The following RBM19 variants were observed in gnomAD, a reference collection of about 807,000 sequenced individuals.
RBM19 encodes the protein RNA binding motif protein 19, also known as probable RNA-binding protein 19.
Under a neutral mutation model 116.8 loss-of-function variants are expected in RBM19, and 94 were observed. The ratio of observed to expected loss-of-function variants is 0.80; its 90% confidence interval spans 0.68 to 0.95. The LOEUF is 0.95. RBM19 is among the 40% of genes least tolerant of loss of function. RBM19 has a pLI of 0.00. For missense variants in RBM19, 1,161 were observed against 1,220.7 expected (o/e 0.95, Z 0.73); for synonymous variants, 475 against 494.1 (o/e 0.96, Z 0.51).
intron 21 of RBM19, among the ~76,000 whole-genome samples, chr12:113,888,737 G>C (rs1347027926): frequency 2.0e-5 from 3 of 152,064 alleles, no homozygotes; most frequent in African/African-American, 7.2e-5. Flanking sequence ...CTGTAGGCAG[G>C]GACACTGCCT....
intron 21 of RBM19, among the ~76,000 whole-genome samples, chr12:113,871,117 T>C (rs1879173871): frequency 6.6e-6 from 1 of 152,190 alleles, no homozygotes; most frequent in South Asian, 2.1e-4. Context: ...ATGTTAAGGC[T>C]ATGTGACTAC....
chr12:113,817,983 C>A (rs1874161180), downstream of RBM19: 1 of 151,834 alleles, frequency 6.6e-6, no homozygotes, highest in African/African-American at 2.4e-5. Flanking sequence ...AATCCCCACA[C>A]TTTGGGAGGC....
chr12:113,863,652 T>G (rs7316852), intron 21 of RBM19, among the ~76,000 whole-genome samples: 4,663 of 152,170 alleles, frequency 0.031, 246 homozygotes, highest in African/African-American at 0.11. Flanking sequence ...GTGGGGGAGT[T>G]TGCTGGCATA....
intron 1 of RBM19, among the ~76,000 whole-genome samples, chr12:113,965,673 T>C (rs1479027674): frequency 1.3e-5 from 2 of 152,092 alleles, no homozygotes; most frequent in Non-Finnish European, 2.9e-5. Flanking sequence ...AACAAAAAAG[T>C]ATGGCTGGGT....
chr12:113,915,033 A>G lies in RBM19; in HGVS notation c.2494T>C (p.Ser832Pro). ...KKQVPRKQTT[S>P]KILVRNIPFQ... Reference sequence around the variant, plus strand: ...GGGATGTTCCGCACCAGGATCTTGGAGGTGGTCTGCTTTCTGGGAACTTGT... The same window carrying G: ...GGGATGTTCCGCACCAGGATCTTGGGGGTGGTCTGCTTTCTGGGAACTTGT... The change falls in exon 21 of 24, where the codon TCC becomes CCC. Residue 832 changes from serine to proline, a missense_variant. Physicochemically the swap from Ser to Pro is moderately conservative, Grantham distance 74 (BLOSUM62 -1). Coordinates refer to ENST00000261741, the MANE Select transcript of RBM19 (RefSeq NM_016196.4). The G allele has an allele frequency of 6.2e-7, 1 of 1,614,066 alleles. No homozygotes were observed. Among genetic ancestry groups the G allele is most frequent in the Non-Finnish European group, 8.5e-7 (1 of 1,180,026 alleles).
At chr12:113,946,974 G>A (rs1442826427) in intron 11 of RBM19, among the ~76,000 whole-genome samples, 1 of 152,210 alleles carries the variant, frequency 6.6e-6, no homozygotes, top group Non-Finnish European at 1.5e-5. Context: ...TTATTCCACT[G>A]TGGCCATTTT....
chr12:113,936,943 C>G, intron 16 of RBM19, 64 bp downstream of exon 16: 1 of 1,581,776 alleles, frequency 6.3e-7, no homozygotes, highest in Non-Finnish European at 8.6e-7. Flanking sequence ...TCACGCTGCC[C>G]CCAACCCTCC....
chr12:113,849,697 A>T (rs1877297984), intron 22 of RBM19, among the ~76,000 whole-genome samples: 1 of 152,208 alleles, frequency 6.6e-6, no homozygotes, highest in South Asian at 2.1e-4. Flanking sequence ...AGAGGCCTGA[A>T]GATCCAGCAC....
intron 15 of RBM19, among the ~76,000 whole-genome samples, chr12:113,938,497 G>A (rs925192081): frequency 2.0e-5 from 3 of 152,140 alleles, no homozygotes; most frequent in South Asian, 4.1e-4. Context: ...AAGAATTGCT[G>A]AGGGAGACCA....
downstream of RBM19, chr12:113,818,140 C>T (rs539631858): frequency 9.9e-5 from 14 of 142,040 alleles, no homozygotes; most frequent in East Asian, 2.2e-4. Context: ...GCGGGACAAT[C>T]GCTTGAACCA....
At chr12:113,913,533 T>C (rs1882581829) in intron 21 of RBM19, among the ~76,000 whole-genome samples, 1 of 152,194 alleles carries the variant, frequency 6.6e-6, no homozygotes, top group Non-Finnish European at 1.5e-5. Context: ...AACTGAATAC[T>C]AGTGTATGAT....
chr12:113,892,803 C>T (rs1881048015), intron 21 of RBM19, among the ~76,000 whole-genome samples: 1 of 152,122 alleles, frequency 6.6e-6, no homozygotes, highest in Non-Finnish European at 1.5e-5. Context: ...GAGCAATGAA[C>T]AGCTGTCTTA....
At chr12:113,826,567 C>T (rs926984407) in intron 23 of RBM19, among the ~76,000 whole-genome samples, 5 of 152,176 alleles carry the variant, frequency 3.3e-5, no homozygotes, top group African/African-American at 9.7e-5. Flanking sequence ...TGCTCTGGGT[C>T]GGGCATGGTG....
intron 1 of RBM19, 194 bp downstream of exon 1, chr12:113,965,998 T>C (rs1166883721): frequency 3.2e-6 from 2 of 629,292 alleles, no homozygotes; most frequent in African/African-American, 3.7e-5. Flanking sequence ...CGTGAAACCG[T>C]AAGCAGTCAC....
chr12:113,872,575 G>A (rs1879327356), intron 21 of RBM19, among the ~76,000 whole-genome samples: 1 of 122,272 alleles, frequency 8.2e-6, no homozygotes, highest in African/African-American at 2.9e-5. Flanking sequence ...GAGGTGGGGG[G>A]GGGTCAGCCC....
chr12:113,965,986 GCCGTGAAA>G (rs1872835029), intron 1 of RBM19, 198 bp downstream of exon 1: 1 of 608,260 alleles, frequency 1.6e-6, no homozygotes, highest in Admixed American at 3.0e-5. Context: ...CAAACAACCG[GCCGTGAAA>G]CCGTAAGCAG....
intron 21 of RBM19, among the ~76,000 whole-genome samples, chr12:113,862,413 T>C (rs1197097787): frequency 2.6e-5 from 4 of 151,720 alleles, no homozygotes; most frequent in Non-Finnish European, 4.4e-5. Context: ...ATAAGGCCAA[T>C]ACTAATGATC....
chr12:113,960,414 C>G (rs1007057878), intron 2 of RBM19, among the ~76,000 whole-genome samples: 3 of 152,226 alleles, frequency 2.0e-5, no homozygotes, highest in Non-Finnish European at 2.9e-5. Context: ...ATAGCTGCCA[C>G]TTACTGAGGA....
At chr12:113,964,871 T>C (rs925995670) in intron 1 of RBM19, among the ~76,000 whole-genome samples, 17 of 152,006 alleles carry the variant, frequency 1.1e-4, no homozygotes, top group African/African-American at 4.1e-4. Flanking sequence ...ACTCATGTTA[T>C]ACACTACTAT....
Sources: allele counts gnomAD v4.1 joint callset (sites outside exome capture counted in the v4.1 genomes callset), GRCh38; gene constraint gnomAD v4.1.1; transcripts MANE v1.5; gene names NCBI Gene and HGNC (gene_info 2026-07-23, HGNC 2026-07-21).